AHI1: variants seen among roughly 807,000 people sequenced by gnomAD.
AHI1 encodes the protein Abelson helper integration site 1, also known as jouberin.
In AHI1, 123 loss-of-function variants were observed where a neutral mutation model predicts 149.3. That is an observed-to-expected ratio of 0.82 (90% confidence interval 0.71 to 0.96). AHI1 has a LOEUF of 0.96. Among genes scored for constraint, AHI1 ranks in the 40% least tolerant of loss-of-function variants. The probability of loss-of-function intolerance (pLI) is 0.00; values close to 1 mark genes in which losing one functional copy is unlikely to be tolerated. For missense variants in AHI1, 1,439 were observed against 1,422.7 expected (o/e 1.01, Z -0.18); for synonymous variants, 475 against 459.8 (o/e 1.03, Z -0.42).
rs75798110 is a variant in AHI1, at chr6:135,494,717, T to A, written c.-55+1097A>T. ...GCAGGGAGACAATAGGCTGAAGATT[T>A]GGGAGTTATTTATAAATATGATAGT... On this transcript the variant is annotated intron_variant, in intron 3 of 28. Coordinates refer to ENST00000265602, the MANE Select transcript of AHI1 (RefSeq NM_001134831.2). Among the ~76,000 whole-genome samples the A allele has an allele frequency of 1.8e-4, 27 of 152,268 alleles. No individual in the cohort carries two copies. The East Asian group carries it at 5.0e-3, about 28-fold the overall frequency.
Position 135,455,830 on chromosome 6 carries a change from T to A in AHI1, c.1248A>T (p.Arg416Ser). 2 of 1,600,808 alleles carry A rather than the reference T, an allele frequency of 1.2e-6. No homozygotes were observed. The highest frequency in any genetic ancestry group is 1.7e-6 in the Non-Finnish European group (2 of 1,172,276). Residue 416 changes from arginine to serine, a missense_variant, in exon 10 of 29, where the codon AGA (arginine) becomes AGT (serine). Coordinates refer to ENST00000265602, the MANE Select transcript of AHI1 (RefSeq NM_001134831.2). Reference protein sequence around the residue: ...QPYDFKQLKSRLPEWEEQIVF... With the variant: ...QPYDFKQLKSSLPEWEEQIVF... ...CAATTTGTTCTTCCCACTCTGGAAGTCTTGATTTTAACTGTTTAAAATCAT... is the reference window on the plus strand; with the variant it reads ...CAATTTGTTCTTCCCACTCTGGAAGACTTGATTTTAACTGTTTAAAATCAT...
chr6:135,455,882 T>A lies in AHI1; in HGVS notation c.1196A>T (p.Tyr399Phe). The A allele has an allele frequency of 6.4e-7, 1 of 1,560,162 alleles. No individual in the cohort carries two copies. The highest frequency in any genetic ancestry group is 8.7e-7 in the Non-Finnish European group (1 of 1,145,788). The change falls in exon 10 of 29, where the codon TAT (tyrosine) becomes TTT (phenylalanine). Residue 399 changes from tyrosine (Y) to phenylalanine (F), a missense_variant. By Grantham distance (22) the Tyr-to-Phe change is conservative. Transcript: ENST00000265602. Reference protein sequence around the residue: ...SSYYEKENVDYILPIMTQPYD... With the variant: ...SSYYEKENVDFILPIMTQPYD... ...TGGCTGGGTCATAATAGGAAGAATATAATCCACATTCTCTTTTTCATAGTA... is the reference window on the plus strand; with the variant it reads ...TGGCTGGGTCATAATAGGAAGAATAAAATCCACATTCTCTTTTTCATAGTA...
chr6:135,461,692 G>A (rs1789912822), intron 8 of AHI1, among the ~76,000 whole-genome samples: 1 of 151,838 alleles, frequency 6.6e-6, no homozygotes, highest in South Asian at 2.1e-4. Context: ...AATAAAATAG[G>A]CAAATTAACT....
At chr6:135,332,602 A>G (rs1788764550) in intron 24 of AHI1, among the ~76,000 whole-genome samples, 1 of 152,222 alleles carries the variant, frequency 6.6e-6, no homozygotes, top group Non-Finnish European at 1.5e-5. Flanking sequence ...ACCAAAACTA[A>G]CTTGTTAATT....
intron 23 of AHI1, among the ~76,000 whole-genome samples, chr6:135,377,866 C>A (rs1172704488): frequency 6.6e-6 from 1 of 151,918 alleles, no homozygotes; most frequent in Non-Finnish European, 1.5e-5. Context: ...TATCAGATCA[C>A]CTTCCTAAAC....
chr6:135,323,269 CGATG>C lies in AHI1; in HGVS notation c.3217_3220del (p.His1073AlafsTer20). The stretch of plus-strand genomic sequence containing the variant: ...GAAAAACACTCGGATAATGTCTCCG[CGATG>C]GATGGTTAGTTCATCTGATCGATTC... On this transcript the variant is annotated frameshift_variant, in exon 25 of 29. Transcript: ENST00000265602. LOFTEE classifies it high-confidence loss of function. 1 of 1,613,738 alleles carries C rather than the reference CGATG, an allele frequency of 6.2e-7. No homozygotes were observed. Among genetic ancestry groups the C allele is most frequent in the South Asian group, 1.1e-5 (1 of 91,016 alleles).
chr6:135,331,433 C>T (rs932887779), intron 24 of AHI1, among the ~76,000 whole-genome samples: 34 of 152,252 alleles, frequency 2.2e-4, no homozygotes, highest in African/African-American at 8.2e-4. Flanking sequence ...TCACTCTTTT[C>T]CAGCACTGCT....
At chr6:135,347,607 T>C (rs555896301) in intron 24 of AHI1, among the ~76,000 whole-genome samples, 3 of 152,342 alleles carry the variant, frequency 2.0e-5, no homozygotes, top group African/African-American at 7.2e-5. Context: ...CAAGTGAGAT[T>C]ATCTGCTTTG....
At chr6:135,323,454 A>T in intron 24 of AHI1, 130 bp from the exon 25 acceptor site, 1 of 898,858 alleles carries the variant, frequency 1.1e-6, no homozygotes, top group South Asian at 2.2e-5. Context: ...AGGCTGTCTC[A>T]AGGTTTGCTA....
At chr6:135,330,258 C>A (rs567332411) in intron 24 of AHI1, among the ~76,000 whole-genome samples, 1 of 152,172 alleles carries the variant, frequency 6.6e-6, no homozygotes, top group South Asian at 2.1e-4. Flanking sequence ...AAGAGTCAAT[C>A]GATGTGGCAA....
chr6:135,289,464 T>C (rs1205703810), intron 28 of AHI1, among the ~76,000 whole-genome samples: 3 of 151,972 alleles, frequency 2.0e-5, no homozygotes, highest in African/African-American at 7.3e-5. Flanking sequence ...CACTGCATTC[T>C]AGGCTGGGTG....
At chr6:135,384,228 T>C (rs1023269102) in intron 23 of AHI1, among the ~76,000 whole-genome samples, 1 of 152,226 alleles carries the variant, frequency 6.6e-6, no homozygotes, top group Non-Finnish European at 1.5e-5. Context: ...TTTCTAAAAT[T>C]TAGTGGGAAG....
chr6:135,298,968 T>C (rs1783512044), intron 27 of AHI1, among the ~76,000 whole-genome samples: 1 of 152,312 alleles, frequency 6.6e-6, no homozygotes, highest in African/African-American at 2.4e-5. Context: ...GTTCCCATGA[T>C]GTGTTAAACA....
At chr6:135,467,203 C>G (rs971649004) in intron 6 of AHI1, among the ~76,000 whole-genome samples, 9 of 152,008 alleles carry the variant, frequency 5.9e-5, no homozygotes, top group African/African-American at 2.2e-4. Flanking sequence ...AAACAACTAA[C>G]AAGGAAGAGA....
intron 26 of AHI1, chr6:135,301,811 T>C (rs1283296293): frequency 3.0e-6 from 3 of 985,274 alleles, no homozygotes; most frequent in African/African-American, 3.5e-5. Context: ...AAAAAGTACA[T>C]ACACACGGGA....
At chr6:135,338,470 A>G (rs918357737) in intron 24 of AHI1, among the ~76,000 whole-genome samples, 1 of 152,216 alleles carries the variant, frequency 6.6e-6, no homozygotes, top group African/African-American at 2.4e-5. Context: ...AGCAAATAGA[A>G]TCTTCAGAAA....
At chr6:135,383,482 C>T (rs991894689) in intron 23 of AHI1, among the ~76,000 whole-genome samples, 9 of 151,410 alleles carry the variant, frequency 5.9e-5, no homozygotes, top group African/African-American at 2.2e-4. Context: ...AGTGAATCAC[C>T]TGACGGGATT....
intron 11 of AHI1, among the ~76,000 whole-genome samples, chr6:135,451,859 C>CT (rs1788160905): frequency 1.3e-5 from 2 of 150,704 alleles, no homozygotes; most frequent in South Asian, 4.2e-4. Flanking sequence ...TTTTTAATGG[C>CT]TTTTTTTCTT....
intron 23 of AHI1, among the ~76,000 whole-genome samples, chr6:135,360,398 G>A (rs1793677000): frequency 6.6e-6 from 1 of 152,178 alleles, no homozygotes; most frequent in African/African-American, 2.4e-5. Context: ...CCAATCAGAT[G>A]AAGGCCTTAA....
Sources: allele counts gnomAD v4.1 joint callset (sites outside exome capture counted in the v4.1 genomes callset), GRCh38; gene constraint gnomAD v4.1.1; transcripts MANE v1.5; gene names NCBI Gene and HGNC (gene_info 2026-07-23, HGNC 2026-07-21).